The following ATP11A variants were observed in gnomAD, a reference collection of about 807,000 sequenced individuals.
The protein encoded by ATP11A is ATPase phospholipid transporting 11A.
In ATP11A, 81 loss-of-function variants were observed where a neutral mutation model predicts 154.4. The observed-to-expected ratio is 0.52, with a 90% CI of 0.44 to 0.63. The LOEUF is 0.63. Among genes scored for constraint, ATP11A ranks in the 30% least tolerant of loss-of-function variants. ATP11A has a pLI of 0.00. For missense variants in ATP11A, 1,316 were observed against 1,474.3 expected, an observed-to-expected ratio of 0.89 and a Z score of 1.76; for synonymous variants, 623 against 585.9, an observed-to-expected ratio of 1.06 and a Z score of -0.91.
intron 1 of ATP11A, among the ~76,000 whole-genome samples, chr13:112,692,833 C>G (rs553093089): frequency 2.5e-4 from 38 of 152,158 alleles, no homozygotes; most frequent in Non-Finnish European, 5.0e-4. Context: ...CTTGTAATTG[C>G]GTTATCGTCC....
At chr13:112,815,420 G>T (rs754587366) in intron 5 of ATP11A, among the ~76,000 whole-genome samples, 1 of 120,176 alleles carries the variant, frequency 8.3e-6, no homozygotes, top group Non-Finnish European at 1.7e-5. Flanking sequence ...TTCCTCACCC[G>T]GCAGACACAC....
intron 1 of ATP11A, among the ~76,000 whole-genome samples, chr13:112,731,445 G>T (rs1890474296): frequency 1.3e-5 from 2 of 151,652 alleles, no homozygotes; most frequent in African/African-American, 4.9e-5. Context: ...TCCCAGCCAG[G>T]AGTCCACAGC....
At chr13:112,781,434 C>T (rs1286907727) in intron 1 of ATP11A, among the ~76,000 whole-genome samples, 1 of 152,160 alleles carries the variant, frequency 6.6e-6, no homozygotes, top group African/African-American at 2.4e-5. Context: ...ATTGAGGCTC[C>T]TGAGTTTGTT....
chr13:112,724,489 G>C lies in ATP11A; in HGVS notation c.39+34034G>C, dbSNP rs180864434. ...CCCCCTGTCCCCGTGGAGCTGTCAC[G>C]TGGCCCTCCTCCAGAACCGTGTATG... On this transcript the variant is annotated intron_variant, in intron 1 of 29. Coordinates refer to ENST00000375645, the MANE Select transcript of ATP11A (RefSeq NM_015205.3). Among the ~76,000 whole-genome samples, 11 of 131,902 alleles carry C rather than the reference G, an allele frequency of 8.3e-5. No individual in the cohort carries two copies. The East Asian group carries it at 2.1e-3, about 25-fold the overall frequency. 86.5% of individuals were successfully genotyped at this position (131,902 alleles called of 152,430 possible). A position where few individuals can be genotyped will look rare whatever the true frequency, so the allele number is the denominator to read the frequency against.
At position 112,826,436 on chromosome 13, in the gene ATP11A, T is replaced by TTAACTC. The variant is rs761423023; in HGVS notation, c.1024-257_1024-252dup. 5.1e-4 allele frequency among the ~76,000 whole-genome samples: 78 copies of TTAACTC among 152,196 alleles called. 3 individuals carry two copies. On this transcript the variant is annotated intron_variant, in intron 11 of 29. Coordinates refer to ENST00000375645, the MANE Select transcript of ATP11A (RefSeq NM_015205.3). ...CTCCTGTCATCGGCACATGCTTGTC[T>TTAACTC]TAACTCGTGATTTAATCTCCACTTG... is the stretch of plus-strand genomic sequence containing the variant.
At position 112,785,359 on chromosome 13, in the gene ATP11A, T is replaced by C; in HGVS notation, c.162+102T>C. 1 of 1,282,662 alleles carries C rather than the reference T, an allele frequency of 7.8e-7. No homozygotes were observed. The highest frequency in any genetic ancestry group is 1.0e-6 in the Non-Finnish European group (1 of 996,226). 79.5% of individuals were successfully genotyped at this position (1,282,662 alleles called of 1,614,324 possible). A position where few individuals can be genotyped will look rare whatever the true frequency, so the allele number is the denominator to read the frequency against. ...CAAAGAGCGGCTCTGCTCCTGGCCCTGCTGTCACAGCCACCAGCCACCCCC... is the reference window on the plus strand; with the variant it reads ...CAAAGAGCGGCTCTGCTCCTGGCCCCGCTGTCACAGCCACCAGCCACCCCC... On this transcript the variant is annotated intron_variant, in intron 2 of 29. Transcript: ENST00000375645. This position sits in a 1 kb window ranked among gnomAD's most constrained non-coding sequence, Gnocchi z 4.8.
Position 112,862,450 on chromosome 13 carries a change from A to C in ATP11A, c.2866A>C (p.Lys956Gln). 1.7e-5 allele frequency: 28 copies of C among 1,613,872 alleles called. No individual in the cohort carries two copies. Among genetic ancestry groups the C allele is most frequent in the Non-Finnish European group, 2.4e-5 (28 of 1,180,018 alleles). Residue 956 changes from lysine (K) to glutamine (Q), a missense_variant, in exon 25 of 30, where the codon AAG (lysine) becomes CAG (glutamine). Around this residue, in one of 5 missense-constraint regions of ATP11A, gnomAD observed 294 missense variants for 290.2 expected, o/e 1.01. Transcript: ENST00000375645. ...CTTTCTCCTCACCAGGGACGTCGCC[A>C]AGAATGCCCTGCTGCGCTGGCGCGT... ...RDPTLYRDVAKNALLRWRVFI... is the reference protein window; with the variant it reads ...RDPTLYRDVAQNALLRWRVFI...
intron 16 of ATP11A, among the ~76,000 whole-genome samples, chr13:112,839,003 T>G (rs415159): frequency 0.69 from 105,068 of 152,066 alleles, 37,995 homozygotes; most frequent in African/African-American, 0.92. Flanking sequence ...TCTCACTGTT[T>G]TGGGGCTGAG....
Position 112,826,796 on chromosome 13 carries a change from TCTTA to T in ATP11A, c.1130_1133del (p.Tyr377SerfsTer19), listed in dbSNP as rs2078945890. ...GGTCGAGATGCAGAAGTTCCTCGGC[TCTTA>T]CTTCATCACCTGGGACGAAGACATG... On this transcript the variant is annotated frameshift_variant, in exon 12 of 30. Coordinates refer to ENST00000375645, the MANE Select transcript of ATP11A (RefSeq NM_015205.3). LOFTEE classifies it high-confidence loss of function. The T allele has an allele frequency of 1.2e-6, 2 of 1,614,062 alleles. No individual in the cohort carries two copies. The highest frequency in any genetic ancestry group is 1.7e-6 in the Non-Finnish European group (2 of 1,180,052).
Position 112,763,935 on chromosome 13 carries a change from G to A in ATP11A, c.40-21200G>A, listed in dbSNP as rs888845238. Among the ~76,000 whole-genome samples the A allele has an allele frequency of 3.9e-5, 6 of 152,308 alleles. No homozygotes were observed. The South Asian group carries it at 6.2e-4, about 16-fold the overall frequency. On this transcript the variant is annotated intron_variant, in intron 1 of 29. Coordinates refer to ENST00000375645, the MANE Select transcript of ATP11A (RefSeq NM_015205.3). ...TGTGCCCCAACCGCCTTGGGCACAC[G>A]TTCTCAGGACCTCCTGGGGCCATGT...
At chr13:112,847,364 G>GGCAAAC (rs1364970154) in intron 17 of ATP11A, among the ~76,000 whole-genome samples, 1 of 152,176 alleles carries the variant, frequency 6.6e-6, no homozygotes, top group Admixed American at 6.5e-5. Flanking sequence ...CCACCACTGT[G>GGCAAAC]TTTTTTTCTA....
chr13:112,880,874 C>T, intron 29 of ATP11A: 5 of 1,031,352 alleles, frequency 4.8e-6, no homozygotes, highest in Non-Finnish European at 5.9e-6. Flanking sequence ...TGCACACTCA[C>T]CCCACACGCA....
At chr13:112,798,348 G>A (rs1004987780) in intron 2 of ATP11A, among the ~76,000 whole-genome samples, 1 of 152,192 alleles carries the variant, frequency 6.6e-6, no homozygotes, top group Non-Finnish European at 1.5e-5. Flanking sequence ...GCCCAGACGG[G>A]TTTAGAACTT....
At chr13:112,881,496 C>T (rs2080883067) in intron 29 of ATP11A, 3 of 1,105,406 alleles carry the variant, frequency 2.7e-6, no homozygotes, top group Non-Finnish European at 3.3e-6. Context: ...GGAGGAAGCT[C>T]GTAGGTTTCC....
At chr13:112,801,846 G>C (rs2078143015) in intron 2 of ATP11A, among the ~76,000 whole-genome samples, 1 of 152,220 alleles carries the variant, frequency 6.6e-6, no homozygotes, top group Non-Finnish European at 1.5e-5. Flanking sequence ...TAAGATGTCA[G>C]TTCTTCCCAC....
At chr13:112,725,953 CG>C (rs1889826043) in intron 1 of ATP11A, among the ~76,000 whole-genome samples, 1 of 152,228 alleles carries the variant, frequency 6.6e-6, no homozygotes, top group Admixed American at 6.5e-5. Context: ...GGGGAGGGGG[CG>C]GGAAGCGGTG....
At chr13:112,798,850 T>C (rs1382227178) in intron 2 of ATP11A, among the ~76,000 whole-genome samples, 1 of 152,222 alleles carries the variant, frequency 6.6e-6, no homozygotes, top group Non-Finnish European at 1.5e-5. Context: ...TAAGTGTGAA[T>C]TGTCTAAATA....
At chr13:112,852,841 T>G (rs1250595332) in intron 18 of ATP11A, among the ~76,000 whole-genome samples, 1 of 152,088 alleles carries the variant, frequency 6.6e-6, no homozygotes, top group Admixed American at 6.5e-5. Context: ...ATTATTTCCT[T>G]ATAATCTCCA....
rs1884966999 is a variant in ATP11A, at chr13:112,690,137, C to G, written c.-280C>G. Among the ~76,000 whole-genome samples, 1 of 148,246 alleles carries G rather than the reference C, an allele frequency of 6.7e-6. No homozygotes were observed. The highest frequency in any genetic ancestry group is 2.4e-5 in the African/African-American group (1 of 41,024). On this transcript the variant is annotated 5_prime_UTR_variant, in exon 1 of 30. Coordinates refer to ENST00000375645, the MANE Select transcript of ATP11A (RefSeq NM_015205.3). The surrounding 1 kb of genome is among the most constrained non-coding windows in gnomAD (Gnocchi z 5.6). The stretch of plus-strand genomic sequence containing the variant: ...GCCGAGCCCAACCGAGCGGGCGGAC[C>G]GACGGGGAGAGAGAAGGCGCCAGAG...
Sources: gnomAD v4.1 joint callset for allele counts (sites outside exome capture counted in the v4.1 genomes callset) on GRCh38, gnomAD v4.1.1 for gene constraint, gnomAD v4.1.1 regional missense constraint, Gnocchi (gnomAD v3.1) non-coding constraint, MANE v1.5 for transcripts, NCBI Gene and HGNC (gene_info 2026-07-23, HGNC 2026-07-21) for gene names.